The following TGFBR3 variants were observed in gnomAD, a reference collection of about 807,000 sequenced individuals.
TGFBR3 encodes the protein transforming growth factor beta receptor 3, also known as transforming growth factor beta receptor type 3.
TGFBR3 carries 46 observed loss-of-function variants against 87.9 expected under a neutral mutation model. The observed-to-expected ratio is 0.52, with a 90% CI of 0.41 to 0.67. TGFBR3 has a LOEUF of 0.67. Ranked by LOEUF, TGFBR3 falls within the 30% of genes least tolerant of loss-of-function variation. The pLI is 0.00. For synonymous variants in TGFBR3, 381 were observed against 391.6 expected, an observed-to-expected ratio of 0.97 and a Z score of 0.32; for missense variants, 866 against 1,041.9, an observed-to-expected ratio of 0.83 and a Z score of 2.32.
At chr1:91,717,168 G>A (rs1298784069) in intron 10 of TGFBR3, among the ~76,000 whole-genome samples, 1 of 152,076 alleles carries the variant, frequency 6.6e-6, no homozygotes, top group Non-Finnish European at 1.5e-5. Flanking sequence ...TCCTTTAAGA[G>A]TTGTAGAAAG....
Position 91,833,295 on chromosome 1 carries a change from C to CAAAAAA in TGFBR3, c.61+28170_61+28175dup, listed in dbSNP as rs33915205. 4.5e-3 allele frequency among the ~76,000 whole-genome samples: 143 copies of CAAAAAA among 32,046 alleles called. 25 individuals carry two copies. The highest frequency in any genetic ancestry group is 0.018 in the African/African-American group (135 of 7,662). The allele number at this position is 32,046 out of a possible 152,430, so 21.0% of individuals were successfully genotyped here. On this transcript the variant is annotated intron_variant, in intron 2 of 16. Transcript: ENST00000212355. ...CAGGCGACAGTAGGAGACTCCGACT[C>CAAAAAA]AAAAAAAAAAAAAAAAAAAAACAGG... is the stretch of plus-strand genomic sequence containing the variant.
At chr1:91,753,141 T>A (rs1042139199) in intron 4 of TGFBR3, among the ~76,000 whole-genome samples, 8 of 151,984 alleles carry the variant, frequency 5.3e-5, no homozygotes, top group African/African-American at 1.7e-4. Context: ...AACCCAGCAC[T>A]TTGGGAGGCC....
intron 1 of TGFBR3, among the ~76,000 whole-genome samples, chr1:91,876,601 G>C (rs994018664): frequency 1.3e-5 from 2 of 152,136 alleles, no homozygotes; most frequent in Admixed American, 1.3e-4. Context: ...ACCACTACCA[G>C]GTATGATGCT....
intron 2 of TGFBR3, among the ~76,000 whole-genome samples, chr1:91,846,835 T>A (rs1469861897): frequency 6.6e-6 from 1 of 152,172 alleles, no homozygotes; most frequent in Admixed American, 6.5e-5. Flanking sequence ...AATCTATTTT[T>A]TTCACTATCT....
chr1:91,796,983 G>A (rs17883256), intron 3 of TGFBR3, among the ~76,000 whole-genome samples: 2,055 of 151,936 alleles, frequency 0.014, 36 homozygotes, highest in Admixed American at 0.051. Flanking sequence ...TCCCACCTTG[G>A]CCTCTCAAAG....
chr1:91,787,477 C>T lies in TGFBR3; in HGVS notation c.246+9810G>A, dbSNP rs557907514. Among the ~76,000 whole-genome samples the T allele has an allele frequency of 1.4e-3, 220 of 152,284 alleles. 1 individual carries two copies. Among genetic ancestry groups the T allele is most frequent in the African/African-American group, 5.2e-3 (216 of 41,544 alleles). ...CCACAGTGACAGCCACTCCTCCAGTCCATATCTGAGGCACCTGGCAGCTCA... is the reference window on the plus strand; with the variant it reads ...CCACAGTGACAGCCACTCCTCCAGTTCATATCTGAGGCACCTGGCAGCTCA... On this transcript the variant is annotated intron_variant, in intron 3 of 16. Coordinates refer to ENST00000212355, the MANE Select transcript of TGFBR3 (RefSeq NM_003243.5).
intron 3 of TGFBR3, among the ~76,000 whole-genome samples, chr1:91,772,598 C>T (rs1287817940): frequency 6.6e-6 from 1 of 152,138 alleles, no homozygotes; most frequent in Non-Finnish European, 1.5e-5. Context: ...ACTTATAGGG[C>T]CTGGTAATTC....
chr1:91,701,775 T>C (rs1187223663), intron 14 of TGFBR3, among the ~76,000 whole-genome samples: 1 of 152,168 alleles, frequency 6.6e-6, no homozygotes, highest in Non-Finnish European at 1.5e-5. Context: ...CCACATCTAT[T>C]GGCATTTGGC....
chr1:91,855,431 C>T (rs532056503), intron 2 of TGFBR3, among the ~76,000 whole-genome samples: 26 of 152,348 alleles, frequency 1.7e-4, no homozygotes, highest in Admixed American at 3.3e-4. Context: ...CCATGCATGC[C>T]TCTTTTTCTT....
intron 14 of TGFBR3, among the ~76,000 whole-genome samples, chr1:91,705,516 A>T (rs1671772324): frequency 6.6e-6 from 1 of 151,894 alleles, no homozygotes; most frequent in Admixed American, 6.6e-5. Flanking sequence ...GGCGTGAGCC[A>T]CTGCGCCCAG....
intron 4 of TGFBR3, among the ~76,000 whole-genome samples, chr1:91,737,472 G>A (rs1019373828): frequency 1.3e-5 from 2 of 152,192 alleles, no homozygotes; most frequent in Admixed American, 6.5e-5. Context: ...AGGCCAGAGA[G>A]TCATGCACCA....
At chr1:91,817,637 T>C (rs921663715) in intron 2 of TGFBR3, among the ~76,000 whole-genome samples, 4 of 152,222 alleles carry the variant, frequency 2.6e-5, no homozygotes, top group Non-Finnish European at 5.9e-5. Flanking sequence ...TCCCTGTGGA[T>C]ACCTATCTTA....
At chr1:91,831,449 T>C (rs1676854547) in intron 2 of TGFBR3, among the ~76,000 whole-genome samples, 2 of 69,240 alleles carry the variant, frequency 2.9e-5, no homozygotes, top group South Asian at 8.4e-4. Context: ...AGGTTTACCA[T>C]TCCCAGAAAC....
chr1:91,869,251 T>G (rs1678496183), intron 1 of TGFBR3, among the ~76,000 whole-genome samples: 2 of 152,162 alleles, frequency 1.3e-5, no homozygotes, highest in East Asian at 3.9e-4. Flanking sequence ...AGTATGGCTT[T>G]CCCACTGTCT....
chr1:91,805,639 C>T (rs536896619), intron 2 of TGFBR3, among the ~76,000 whole-genome samples: 12 of 152,348 alleles, frequency 7.9e-5, no homozygotes, highest in Middle Eastern at 6.8e-3. Flanking sequence ...CGCTCGGGTG[C>T]TCAGCAGCTG....
chr1:91,849,068 T>C (rs1428449582), intron 2 of TGFBR3, among the ~76,000 whole-genome samples: 2 of 152,176 alleles, frequency 1.3e-5, no homozygotes, highest in Non-Finnish European at 2.9e-5. Flanking sequence ...AAAGCATCAT[T>C]CTGAATTTCC....
chr1:91,872,177 A>G (rs760149279), intron 1 of TGFBR3, among the ~76,000 whole-genome samples: 4 of 152,310 alleles, frequency 2.6e-5, no homozygotes, highest in Admixed American at 6.5e-5. Flanking sequence ...TGTTATCTCA[A>G]TAAGAGCAGG....
chr1:91,681,255 T>A lies in TGFBR3; in HGVS notation c.*2484A>T, dbSNP rs1354257980. ...GGGAGAAAATACCTTATTTTTTTCA[T>A]GTTCATTTTTTAGAAACATTTCAGA... On this transcript the variant is annotated 3_prime_UTR_variant, in exon 17 of 17. Coordinates refer to ENST00000212355, the MANE Select transcript of TGFBR3 (RefSeq NM_003243.5). 1 of 441,982 alleles carries A rather than the reference T, an allele frequency of 2.3e-6. No homozygotes were observed. Among genetic ancestry groups the A allele is most frequent in the Admixed American group, 2.5e-5 (1 of 40,228 alleles). The allele number at this position is 441,982 out of a possible 1,614,324, so 27.4% of individuals were successfully genotyped here.
intron 3 of TGFBR3, among the ~76,000 whole-genome samples, chr1:91,784,340 C>T (rs1342493037): frequency 6.6e-6 from 1 of 152,124 alleles, no homozygotes; most frequent in East Asian, 1.9e-4. Context: ...TTTAAGAAGA[C>T]TTTCAGTTAT....
Sources: allele counts gnomAD v4.1 joint callset (sites outside exome capture counted in the v4.1 genomes callset), GRCh38; gene constraint gnomAD v4.1.1; transcripts MANE v1.5; gene names NCBI Gene and HGNC (gene_info 2026-07-23, HGNC 2026-07-21).